The following TMEM164 variants were observed in gnomAD, a reference collection of about 807,000 sequenced individuals.
TMEM164 encodes the protein transmembrane protein 164.
In TMEM164, 4 loss-of-function variants were observed where a neutral mutation model predicts 18.8. The observed-to-expected ratio is 0.21, with a 90% CI of 0.10 to 0.49. The LOEUF (loss-of-function observed/expected upper bound fraction) is 0.49, where lower values mean the gene tolerates loss of function less well. TMEM164 is among the 20% of genes least tolerant of loss of function. The pLI, the probability that TMEM164 is intolerant of heterozygous loss-of-function variation, is 0.98. For synonymous variants in TMEM164, 86 were observed against 101.7 expected, an observed-to-expected ratio of 0.85 and a Z score of 0.93; for missense variants, 108 against 239.9, an observed-to-expected ratio of 0.45 and a Z score of 3.63.
chrX:110,030,819 A>G (rs1239026803), intron 2 of TMEM164, among the ~76,000 whole-genome samples: 1 of 109,687 alleles, frequency 9.1e-6, no homozygotes, highest in African/African-American at 3.3e-5. Context: ...TCAAAAAAAA[A>G]AAAAAAGAAA....
At chrX:110,035,886 G>A (rs1934774434) in intron 2 of TMEM164, among the ~76,000 whole-genome samples, 2 of 109,786 alleles carry the variant, frequency 1.8e-5, no homozygotes, top group African/African-American at 6.7e-5. Context: ...ACCAGGACAG[G>A]GGTATGGATG....
chrX:110,046,532 G>A (rs1211281639), intron 2 of TMEM164: 2 of 710,668 alleles, frequency 2.8e-6, no homozygotes, highest in East Asian at 3.1e-4. Flanking sequence ...AATTAACATT[G>A]TTTCTTCTAC....
At chrX:110,145,649 T>C (rs975360637) in intron 5 of TMEM164, among the ~76,000 whole-genome samples, 2 of 112,032 alleles carry the variant, frequency 1.8e-5, no homozygotes, top group Non-Finnish European at 3.8e-5. Flanking sequence ...TGCTGAGACT[T>C]TTCTGCTCCT....
chrX:110,158,817 G>C (rs1207682037), intron 5 of TMEM164, among the ~76,000 whole-genome samples: 7 of 112,037 alleles, frequency 6.2e-5, no homozygotes, highest in Non-Finnish European at 1.3e-4. Context: ...CCATTACAAA[G>C]CTAGACTACC....
intron 2 of TMEM164, among the ~76,000 whole-genome samples, chrX:110,021,231 A>G (rs942210358): frequency 8.9e-5 from 10 of 112,021 alleles, no homozygotes; most frequent in African/African-American, 2.9e-4. Context: ...GAATAGCTTT[A>G]CTAAAAAAGA....
chrX:110,168,902 A>G (rs2067193356), intron 5 of TMEM164, among the ~76,000 whole-genome samples: 1 of 112,854 alleles, frequency 8.9e-6, no homozygotes, highest in Non-Finnish European at 1.9e-5. Context: ...AGCATTTGCT[A>G]AATCCCAGAT....
intron 3 of TMEM164, 29 bp downstream of exon 3, chrX:110,067,425 G>C (rs2065519201): frequency 8.5e-7 from 1 of 1,178,946 alleles, no homozygotes; most frequent in Non-Finnish European, 1.2e-6. Context: ...TTGCTCTGTT[G>C]CTCTTCAGAG....
intron 2 of TMEM164, among the ~76,000 whole-genome samples, chrX:110,038,181 C>T (rs1443961294): frequency 3.7e-5 from 4 of 109,037 alleles, no homozygotes; most frequent in Admixed American, 2.9e-4. Flanking sequence ...TAGTAGAGAA[C>T]GGGGTTTCAC....
intron 3 of TMEM164, among the ~76,000 whole-genome samples, chrX:110,076,260 C>T (rs1251938094): frequency 9.0e-6 from 1 of 110,849 alleles, no homozygotes; most frequent in Non-Finnish European, 1.9e-5. Flanking sequence ...AATTTGTGGG[C>T]ATAGAAGTGT....
intron 3 of TMEM164, among the ~76,000 whole-genome samples, chrX:110,099,910 A>G (rs752376253): frequency 4.5e-5 from 5 of 111,910 alleles, no homozygotes; most frequent in Non-Finnish European, 9.4e-5. Flanking sequence ...TGGATCCTTT[A>G]AATATTTTGT....
chrX:110,079,712 T>C (rs1240749787), intron 3 of TMEM164, among the ~76,000 whole-genome samples: 1 of 110,782 alleles, frequency 9.0e-6, no homozygotes, highest in East Asian at 2.8e-4. Flanking sequence ...TATTAATCAT[T>C]GGTCTTCTTC....
intron 5 of TMEM164, among the ~76,000 whole-genome samples, chrX:110,147,357 G>A (rs1355701076): frequency 9.0e-6 from 1 of 111,721 alleles, no homozygotes. Flanking sequence ...GTGATGCTAC[G>A]CTATATGTAT....
intron 2 of TMEM164, among the ~76,000 whole-genome samples, chrX:110,053,773 A>C (rs926037910): frequency 4.5e-5 from 5 of 111,674 alleles, no homozygotes; most frequent in Non-Finnish European, 9.4e-5. Context: ...TCTGGGATTG[A>C]GGTCAAGGAG....
intron 3 of TMEM164, among the ~76,000 whole-genome samples, chrX:110,074,974 G>GT (rs1216641953): frequency 1.8e-5 from 2 of 111,874 alleles, no homozygotes; most frequent in Non-Finnish European, 3.8e-5. Context: ...TTTTAGAATA[G>GT]TTTTTTCTAA....
chrX:110,144,075 T>G (rs1229199031), intron 4 of TMEM164, among the ~76,000 whole-genome samples: 2 of 111,488 alleles, frequency 1.8e-5, no homozygotes, highest in East Asian at 5.6e-4. Context: ...GTGTTGGATG[T>G]AGGGAAAGTG....
chrX:110,098,932 C>T (rs1393109749), intron 3 of TMEM164, among the ~76,000 whole-genome samples: 2 of 106,976 alleles, frequency 1.9e-5, no homozygotes, highest in Non-Finnish European at 3.9e-5. Context: ...ACAAGGCACC[C>T]GCCACCACAC....
At chrX:110,016,759 C>T (rs1226606808) in intron 2 of TMEM164, among the ~76,000 whole-genome samples, 1 of 110,112 alleles carries the variant, frequency 9.1e-6, no homozygotes, top group African/African-American at 3.3e-5. Context: ...TGGGCTCAAG[C>T]GATCCTCTTG....
rs1347997806 is a variant in TMEM164, at chrX:110,101,864, C to T, written c.441-7216C>T. On this transcript the variant is annotated intron_variant, in intron 3 of 6. Coordinates refer to ENST00000372068, the MANE Select transcript of TMEM164 (RefSeq NM_032227.4). ...TCCCAAAGTGCTGGGATTACAGGCG[C>T]GAGGCACTGAGCCCTGCCTCTCTAT... Among the ~76,000 whole-genome samples the T allele has an allele frequency of 5.5e-5, 6 of 109,861 alleles. No homozygotes were observed. The South Asian group carries it at 1.2e-3, about 21-fold the overall frequency.
intron 4 of TMEM164, among the ~76,000 whole-genome samples, chrX:110,116,155 G>A (rs1341647149): frequency 8.9e-6 from 1 of 112,037 alleles, no homozygotes. Flanking sequence ...GTTGCTCTAT[G>A]TTTCAAGAAA....
Sources: allele counts gnomAD v4.1 joint callset (sites outside exome capture counted in the v4.1 genomes callset), GRCh38; gene constraint gnomAD v4.1.1; transcripts MANE v1.5; gene names NCBI Gene and HGNC (gene_info 2026-07-23, HGNC 2026-07-21).